The following PUM2 variants were observed in gnomAD, a reference collection of about 807,000 sequenced individuals.
The protein encoded by PUM2 is pumilio homolog 2.
In PUM2, 57 loss-of-function variants were observed where a neutral mutation model predicts 124.5. The observed-to-expected ratio is 0.46, with a 90% CI of 0.37 to 0.57. PUM2 has a LOEUF of 0.57. Among genes scored for constraint, PUM2 ranks in the 20% least tolerant of loss-of-function variants. The probability of loss-of-function intolerance (pLI) is 0.00; values close to 1 mark genes in which losing one functional copy is unlikely to be tolerated. For missense variants in PUM2, 1,065 were observed against 1,290.6 expected (o/e 0.83, Z 2.68); for synonymous variants, 460 against 446.1 (o/e 1.03, Z -0.39).
intron 1 of PUM2, among the ~76,000 whole-genome samples, chr2:20,327,916 C>T (rs866732318): frequency 3.9e-5 from 6 of 152,098 alleles, no homozygotes; most frequent in East Asian, 1.9e-4. Flanking sequence ...TTTCAGATGA[C>T]GCCTGAACTG....
intron 1 of PUM2, among the ~76,000 whole-genome samples, chr2:20,341,938 T>C (rs915170525): frequency 6.6e-6 from 1 of 151,982 alleles, no homozygotes; most frequent in African/African-American, 2.4e-5. Context: ...GAGACCAGGG[T>C]GGCCAACATG....
At chr2:20,290,413 CTG>C (rs1212764708) in intron 10 of PUM2, among the ~76,000 whole-genome samples, 1 of 151,168 alleles carries the variant, frequency 6.6e-6, no homozygotes, top group African/African-American at 2.4e-5. Context: ...AAAAAAATGG[CTG>C]TGTTGAGAAT....
At chr2:20,279,482 G>A (rs1396927091) in intron 12 of PUM2, among the ~76,000 whole-genome samples, 1 of 152,092 alleles carries the variant, frequency 6.6e-6, no homozygotes, top group Non-Finnish European at 1.5e-5. Context: ...TCAAACCAAA[G>A]ACATACTTTC....
intron 9 of PUM2, among the ~76,000 whole-genome samples, chr2:20,293,136 T>G (rs973572438): frequency 1.3e-5 from 2 of 152,298 alleles, no homozygotes; most frequent in Middle Eastern, 3.4e-3. Flanking sequence ...GGTGAAAACT[T>G]AGTCTGGTCA....
intron 13 of PUM2, among the ~76,000 whole-genome samples, chr2:20,265,250 A>C (rs1161199316): frequency 1.5e-5 from 2 of 130,890 alleles, no homozygotes; most frequent in Non-Finnish European, 3.1e-5. Flanking sequence ...AAACCGTCAC[A>C]AAAAAAAAAA....
intron 1 of PUM2, among the ~76,000 whole-genome samples, chr2:20,338,529 T>C (rs1396996837): frequency 1.9e-4 from 29 of 152,360 alleles, no homozygotes; most frequent in Admixed American, 6.5e-5. Context: ...ATCCTTCTCT[T>C]AATTCCCACA....
At chr2:20,309,807 T>C (rs188293184) in intron 5 of PUM2, among the ~76,000 whole-genome samples, 53 of 152,268 alleles carry the variant, frequency 3.5e-4, no homozygotes, top group Admixed American at 3.3e-3. Context: ...TAGAGTAGTT[T>C]ACAAAGCAAT....
intron 14 of PUM2, among the ~76,000 whole-genome samples, chr2:20,261,266 C>CT (rs1383830721): frequency 6.6e-6 from 1 of 151,466 alleles, no homozygotes; most frequent in Non-Finnish European, 1.5e-5. Flanking sequence ...TGGCAGACGC[C>CT]TGTAAGCCCA....
intron 2 of PUM2, among the ~76,000 whole-genome samples, chr2:20,319,900 G>A (rs760183820): frequency 6.6e-6 from 1 of 152,132 alleles, no homozygotes; most frequent in Non-Finnish European, 1.5e-5. Flanking sequence ...TAAGTTTTAA[G>A]AATAACAAAT....
At chr2:20,276,572 T>C (rs2148807648) in intron 13 of PUM2, among the ~76,000 whole-genome samples, 1 of 152,262 alleles carries the variant, frequency 6.6e-6, no homozygotes, top group South Asian at 2.1e-4. Context: ...TCTTTTATAC[T>C]ATCAGCCTTG....
chr2:20,255,885 G>A, intron 17 of PUM2, 148 bp downstream of exon 17: 1 of 790,450 alleles, frequency 1.3e-6, no homozygotes, highest in Non-Finnish European at 1.8e-6. Flanking sequence ...TATGAAAGAG[G>A]AAGAAATTAA....
At chr2:20,320,316 G>A (rs187472278) in intron 2 of PUM2, among the ~76,000 whole-genome samples, 45 of 152,224 alleles carry the variant, frequency 3.0e-4, no homozygotes, top group Admixed American at 3.9e-4. Flanking sequence ...AAATGGATCT[G>A]AGACACCTTG....
At chr2:20,251,800 T>C (rs1663416863) in intron 20 of PUM2, 84 bp from the exon 21 acceptor site, 1 of 1,496,050 alleles carries the variant, frequency 6.7e-7, no homozygotes, top group East Asian at 2.3e-5. Context: ...TCTGGGTAAT[T>C]TAGAGGAATA....
chr2:20,303,721 G>A (rs566965067), intron 7 of PUM2, among the ~76,000 whole-genome samples: 2 of 152,104 alleles, frequency 1.3e-5, no homozygotes, highest in Non-Finnish European at 2.9e-5. Flanking sequence ...TGTTCTGGGC[G>A]ACCATCTACG....
intron 7 of PUM2, among the ~76,000 whole-genome samples, chr2:20,299,862 GC>G (rs1676535121): frequency 1.3e-5 from 2 of 152,154 alleles, no homozygotes; most frequent in South Asian, 4.1e-4. Flanking sequence ...TTTATTCTGA[GC>G]CAAATATAAG....
At chr2:20,348,766 T>G (rs1209862338) in intron 1 of PUM2, among the ~76,000 whole-genome samples, 1 of 152,062 alleles carries the variant, frequency 6.6e-6, no homozygotes, top group Non-Finnish European at 1.5e-5. Context: ...CTACAAAAAA[T>G]GCAAAAATTA....
At chr2:20,258,907 T>C (rs1014627215) in intron 15 of PUM2, among the ~76,000 whole-genome samples, 11 of 151,870 alleles carry the variant, frequency 7.2e-5, no homozygotes, top group Non-Finnish European at 1.3e-4. Flanking sequence ...GACCTCATGA[T>C]CCACCCGCCT....
chr2:20,297,689 A>C lies in PUM2; in HGVS notation c.884-11T>G. 1 of 1,603,874 alleles carries C rather than the reference A, an allele frequency of 6.2e-7. No homozygotes were observed. The highest frequency in any genetic ancestry group is 8.5e-7 in the Non-Finnish European group (1 of 1,175,374). On this transcript the variant is annotated splice_polypyrimidine_tract_variant and intron_variant, in intron 7 of 20. Transcript: ENST00000361078. ...CTGAGAATACACCAGCTATATTTTA[A>C]AAGGGGAGAAATAATAAACAACAAT... is the stretch of plus-strand genomic sequence containing the variant.
intron 1 of PUM2, among the ~76,000 whole-genome samples, chr2:20,337,636 C>T (rs1235243638): frequency 6.6e-6 from 1 of 152,166 alleles, no homozygotes; most frequent in African/African-American, 2.4e-5. Flanking sequence ...GTCAGTTACA[C>T]AATTCAGACA....
Sources: allele counts gnomAD v4.1 joint callset (sites outside exome capture counted in the v4.1 genomes callset), GRCh38; gene constraint gnomAD v4.1.1; transcripts MANE v1.5; gene names NCBI Gene and HGNC (gene_info 2026-07-23, HGNC 2026-07-21).